The following SCHIP1 variants were observed in gnomAD, a reference collection of about 807,000 sequenced individuals.
SCHIP1 encodes the protein schwannomin interacting protein 1.
A neutral mutation model predicts 29.7 loss-of-function variants in SCHIP1; 8 were observed. The observed-to-expected ratio is 0.27, with a 90% CI of 0.16 to 0.49. The LOEUF is 0.49. SCHIP1 is among the 20% of genes least tolerant of loss of function. SCHIP1 has a pLI of 0.99. For synonymous variants in SCHIP1, 76 were observed against 94.9 expected (o/e 0.80, Z 1.16); for missense variants, 193 against 294.6 (o/e 0.66, Z 2.52).
chr3:159,769,144 G>C, the SCHIP1 span, among the ~76,000 whole-genome samples: 24 of 152,096 alleles, frequency 1.6e-4, no homozygotes, highest in African/African-American at 5.8e-4. Context: ...TGGTGCACAG[G>C]ACTGGACAGT....
chr3:159,300,552 C>T, the SCHIP1 span, among the ~76,000 whole-genome samples: 1 of 152,198 alleles, frequency 6.6e-6, no homozygotes, highest in Non-Finnish European at 1.5e-5. Flanking sequence ...ACTTAACCCA[C>T]AACTCCCTGC....
chr3:159,766,332 G>A, the SCHIP1 span, among the ~76,000 whole-genome samples: 7 of 152,134 alleles, frequency 4.6e-5, no homozygotes, highest in Non-Finnish European at 8.8e-5. Flanking sequence ...ATCAGAGAGC[G>A]CCCTTGGCTG....
the SCHIP1 span, among the ~76,000 whole-genome samples, chr3:159,411,253 G>A: frequency 6.6e-6 from 1 of 152,000 alleles, no homozygotes; most frequent in Non-Finnish European, 1.5e-5. Context: ...TAATTTGTTG[G>A]ACATTTAAAA....
the SCHIP1 span, among the ~76,000 whole-genome samples, chr3:159,381,972 G>T: frequency 6.6e-6 from 1 of 152,010 alleles, no homozygotes; most frequent in Admixed American, 6.6e-5. Context: ...TATAGCGTGG[G>T]AAAAAGAGAG....
chr3:159,366,984 T>C, the SCHIP1 span, among the ~76,000 whole-genome samples: 1 of 152,174 alleles, frequency 6.6e-6, no homozygotes, highest in Non-Finnish European at 1.5e-5. Flanking sequence ...CTCCTAAAAA[T>C]GAAGATCTAG....
chr3:159,804,046 C>T, the SCHIP1 span, among the ~76,000 whole-genome samples: 3 of 152,278 alleles, frequency 2.0e-5, no homozygotes, highest in South Asian at 2.1e-4. Flanking sequence ...TACAATGACC[C>T]TTTTGATGTT....
the SCHIP1 span, among the ~76,000 whole-genome samples, chr3:159,369,384 T>A: frequency 6.5e-4 from 99 of 152,258 alleles, 1 homozygote; most frequent in East Asian, 0.018. Flanking sequence ...TGGTACTACT[T>A]CATTGTGGTA....
At chr3:159,780,057 C>T in the SCHIP1 span, among the ~76,000 whole-genome samples, 2 of 152,214 alleles carry the variant, frequency 1.3e-5, no homozygotes, top group African/African-American at 2.4e-5. Context: ...ACCTCTTCCG[C>T]GTCATGTGTG....
the SCHIP1 span, among the ~76,000 whole-genome samples, chr3:159,776,669 A>G: frequency 2.0e-5 from 3 of 152,248 alleles, no homozygotes; most frequent in Non-Finnish European, 2.9e-5. Flanking sequence ...ACTGTGGTAT[A>G]GTGATCTAAA....
the SCHIP1 span, among the ~76,000 whole-genome samples, chr3:159,646,086 G>A: frequency 1.3e-5 from 2 of 152,114 alleles, no homozygotes; most frequent in Non-Finnish European, 2.9e-5. Flanking sequence ...AGGAAGAGGA[G>A]CAAGCCAAAC....
chr3:159,817,246 T>G, the SCHIP1 span, among the ~76,000 whole-genome samples: 1 of 151,974 alleles, frequency 6.6e-6, no homozygotes, highest in Non-Finnish European at 1.5e-5. Context: ...TTTTGCAGAC[T>G]AAGAATGATT....
chr3:159,590,380 A>G, the SCHIP1 span, among the ~76,000 whole-genome samples: 1 of 152,174 alleles, frequency 6.6e-6, no homozygotes, highest in Non-Finnish European at 1.5e-5. Flanking sequence ...GTTCGAGACC[A>G]GCCTGGCCAA....
the SCHIP1 span, among the ~76,000 whole-genome samples, chr3:159,572,503 C>G: frequency 1.1e-4 from 17 of 152,146 alleles, no homozygotes; most frequent in Admixed American, 5.2e-4. Context: ...GATTTCTGTT[C>G]TTTTACATTT....
chr3:159,764,925 C>G, the SCHIP1 span: 2 of 1,510,820 alleles, frequency 1.3e-6, no homozygotes, highest in Non-Finnish European at 8.8e-7. This position sits in a 1 kb window ranked among gnomAD's most constrained non-coding sequence, Gnocchi z 6.1. Flanking sequence ...GCCGGGCGAT[C>G]CAAAAGCCCC....
chr3:159,354,406 A>G, the SCHIP1 span, among the ~76,000 whole-genome samples: 1 of 152,208 alleles, frequency 6.6e-6, no homozygotes, highest in Non-Finnish European at 1.5e-5. Context: ...ATTAATTCAT[A>G]GGAATTTCCC....
the SCHIP1 span, among the ~76,000 whole-genome samples, chr3:159,719,871 T>A: frequency 6.6e-6 from 1 of 152,178 alleles, no homozygotes; most frequent in African/African-American, 2.4e-5. Flanking sequence ...GATCCAGCCA[T>A]CCCATTACTG....
chr3:159,637,414 CACACACA>C, the SCHIP1 span, among the ~76,000 whole-genome samples: 2 of 142,186 alleles, frequency 1.4e-5, no homozygotes, highest in African/African-American at 5.7e-5. Context: ...CACACACACA[CACACACA>C]CCTGACTCTT....
the SCHIP1 span, among the ~76,000 whole-genome samples, chr3:159,609,531 C>T: frequency 6.6e-6 from 1 of 152,058 alleles, no homozygotes; most frequent in Non-Finnish European, 1.5e-5. Context: ...CGTTGGCCTT[C>T]CTGGCAGCTT....
chr3:159,549,465 G>A, the SCHIP1 span, among the ~76,000 whole-genome samples: 4 of 152,248 alleles, frequency 2.6e-5, no homozygotes, highest in South Asian at 8.3e-4. Flanking sequence ...TCATAAGGGT[G>A]AGGCCCTTTC....
Sources: gnomAD v4.1 joint callset for allele counts (sites outside exome capture counted in the v4.1 genomes callset) on GRCh38, gnomAD v4.1.1 for gene constraint, Gnocchi (gnomAD v3.1) non-coding constraint, MANE v1.5 for transcripts, NCBI Gene and HGNC (gene_info 2026-07-23, HGNC 2026-07-21) for gene names.